Variants in MLLT10 observed in about 807,000 individuals in gnomAD.
The protein encoded by MLLT10 is protein AF-10.
A neutral mutation model predicts 129.1 loss-of-function variants in MLLT10; 30 were observed. The observed-to-expected ratio is 0.23, with a 90% CI of 0.17 to 0.32. The LOEUF (loss-of-function observed/expected upper bound fraction) is 0.32, where lower values mean the gene tolerates loss of function less well. Among genes scored for constraint, MLLT10 ranks in the 10% least tolerant of loss-of-function variants. The probability of loss-of-function intolerance (pLI) is 1.00; values close to 1 mark genes in which losing one functional copy is unlikely to be tolerated. For missense variants in MLLT10, 1,119 were observed against 1,268.3 expected, an observed-to-expected ratio of 0.88 and a Z score of 1.79; for synonymous variants, 490 against 446.4, an observed-to-expected ratio of 1.10 and a Z score of -1.23.
At chr10:21,563,226 A>C (rs933761320) in intron 3 of MLLT10, among the ~76,000 whole-genome samples, 1 of 152,092 alleles carries the variant, frequency 6.6e-6, no homozygotes, top group East Asian at 1.9e-4. Flanking sequence ...GGATGATAGA[A>C]CTTGTAATTT....
chr10:21,704,329 TTCTCTCTC>T (rs1198146694), intron 13 of MLLT10, among the ~76,000 whole-genome samples: 34 of 121,114 alleles, frequency 2.8e-4, no homozygotes, highest in African/African-American at 1.1e-3. Context: ...TCTTTTTAAA[TTCTCTCTC>T]TCTCTCTCTC....
At chr10:21,686,740 TG>T (rs2053333767) in intron 13 of MLLT10, among the ~76,000 whole-genome samples, 1 of 152,162 alleles carries the variant, frequency 6.6e-6, no homozygotes, top group South Asian at 2.1e-4. Flanking sequence ...CCCAGCACTT[TG>T]GGAGGCCGAG....
chr10:21,589,574 C>T (rs1230973343), intron 4 of MLLT10, among the ~76,000 whole-genome samples: 1 of 152,154 alleles, frequency 6.6e-6, no homozygotes, highest in African/African-American at 2.4e-5. Flanking sequence ...AAAAAGTTAA[C>T]ATTACTATGT....
chr10:21,686,144 A>T (rs578161448), intron 13 of MLLT10, among the ~76,000 whole-genome samples: 1 of 152,304 alleles, frequency 6.6e-6, no homozygotes, highest in East Asian at 1.9e-4. Flanking sequence ...TAAACTTACA[A>T]TTTATTAAGA....
intron 8 of MLLT10, among the ~76,000 whole-genome samples, chr10:21,622,091 TA>T (rs1395983458): frequency 2.6e-5 from 4 of 151,906 alleles, no homozygotes; most frequent in Non-Finnish European, 5.9e-5. Flanking sequence ...GAAGAAAAGT[TA>T]ATGGTGAAAT....
chr10:21,688,183 A>G (rs1472742365), intron 13 of MLLT10, among the ~76,000 whole-genome samples: 3 of 152,150 alleles, frequency 2.0e-5, no homozygotes, highest in African/African-American at 4.8e-5. Context: ...ATGAATCTAC[A>G]CTCTTTCATT....
At chr10:21,541,837 A>G (rs1486021514) in intron 3 of MLLT10, among the ~76,000 whole-genome samples, 2 of 152,096 alleles carry the variant, frequency 1.3e-5, no homozygotes, top group Admixed American at 1.3e-4. Flanking sequence ...TATAGTTCCG[A>G]TGATATGTTT....
chr10:21,732,851 C>G, intron 17 of MLLT10, 48 bp from the exon 18 acceptor site: 1 of 1,510,858 alleles, frequency 6.6e-7, no homozygotes, highest in Non-Finnish European at 9.0e-7. Context: ...AATACTTAGT[C>G]TTATGTGTGT....
At chr10:21,706,942 A>G (rs1418760744) in intron 13 of MLLT10, among the ~76,000 whole-genome samples, 1 of 152,054 alleles carries the variant, frequency 6.6e-6, no homozygotes, top group Non-Finnish European at 1.5e-5. Context: ...CAGTGACACC[A>G]CAGTCATGGT....
At chr10:21,686,939 C>T (rs763158820) in intron 13 of MLLT10, among the ~76,000 whole-genome samples, 15 of 152,014 alleles carry the variant, frequency 9.9e-5, no homozygotes, top group African/African-American at 1.7e-4. Flanking sequence ...GGTGAGATCG[C>T]GCCACTGCAT....
At chr10:21,666,893 G>C (rs997029269) in intron 9 of MLLT10, among the ~76,000 whole-genome samples, 1 of 152,014 alleles carries the variant, frequency 6.6e-6, no homozygotes, top group African/African-American at 2.4e-5. Flanking sequence ...TCATCTCTCT[G>C]TACTATATTT....
chr10:21,741,893 C>G, intron 22 of MLLT10, 46 bp from the exon 23 acceptor site: 1 of 1,582,164 alleles, frequency 6.3e-7, no homozygotes, highest in Non-Finnish European at 8.6e-7. Context: ...AGAATATTAT[C>G]AAAAGTTGAT....
chr10:21,667,118 G>A (rs923734476), intron 9 of MLLT10, among the ~76,000 whole-genome samples: 1 of 152,000 alleles, frequency 6.6e-6, no homozygotes, highest in African/African-American at 2.4e-5. Flanking sequence ...TAAGTTGACA[G>A]TTTTTTCTTT....
intron 8 of MLLT10, among the ~76,000 whole-genome samples, chr10:21,628,740 C>CTTTTTT (rs1161362725): frequency 2.0e-5 from 2 of 99,354 alleles, no homozygotes; most frequent in African/African-American, 9.0e-5. Flanking sequence ...TGTGCCCTGC[C>CTTTTTT]TTTTTTTTTT....
chr10:21,629,734 A>G (rs1374034141), intron 8 of MLLT10, among the ~76,000 whole-genome samples: 1 of 152,214 alleles, frequency 6.6e-6, no homozygotes, highest in African/African-American at 2.4e-5. Flanking sequence ...AGGAGTTTCA[A>G]TGTAGAGTTT....
chr10:21,616,211 A>T (rs2045236387), intron 7 of MLLT10, among the ~76,000 whole-genome samples: 1 of 152,156 alleles, frequency 6.6e-6, no homozygotes, highest in African/African-American at 2.4e-5. Flanking sequence ...TGTAATAAGC[A>T]TATTGAAATA....
At chr10:21,626,278 T>G (rs1315081977) in intron 8 of MLLT10, 1 of 1,435,444 alleles carries the variant, frequency 7.0e-7, no homozygotes, top group Non-Finnish European at 9.8e-7. Flanking sequence ...CGATACAAGC[T>G]ATCAATCCAG....
At chr10:21,626,762 C>T (rs1424087247) in intron 8 of MLLT10, among the ~76,000 whole-genome samples, 3 of 152,180 alleles carry the variant, frequency 2.0e-5, no homozygotes, top group Non-Finnish European at 4.4e-5. Context: ...TAAAAGTTTT[C>T]TAGCATTGAG....
chr10:21,616,676 C>T (rs1245140819), intron 7 of MLLT10, among the ~76,000 whole-genome samples: 1 of 151,760 alleles, frequency 6.6e-6, no homozygotes. Context: ...AACTGTATAC[C>T]TTAATACTGA....
Sources: gnomAD v4.1 joint callset for allele counts (sites outside exome capture counted in the v4.1 genomes callset) on GRCh38, gnomAD v4.1.1 for gene constraint, MANE v1.5 for transcripts, NCBI Gene and HGNC (gene_info 2026-07-23, HGNC 2026-07-21) for gene names.